The following MIA2 variants were observed in gnomAD, a reference collection of about 807,000 sequenced individuals.
MIA2 encodes the protein melanoma inhibitory activity protein 2.
In MIA2, 127 loss-of-function variants were observed where a neutral mutation model predicts 167.8. That is an observed-to-expected ratio of 0.76 (90% CI 0.66 to 0.88). The LOEUF (loss-of-function observed/expected upper bound fraction) is 0.88. Among genes scored for constraint, MIA2 ranks in the 40% least tolerant of loss-of-function variants. The pLI is 0.00. For synonymous variants in MIA2, 552 were observed against 541.9 expected, an observed-to-expected ratio of 1.02 and a Z score of -0.26; for missense variants, 1,690 against 1,624.7, an observed-to-expected ratio of 1.04 and a Z score of -0.69.
intron 6 of MIA2, among the ~76,000 whole-genome samples, chr14:39,259,681 C>A (rs1195753635): frequency 6.7e-6 from 1 of 148,540 alleles, no homozygotes; most frequent in Non-Finnish European, 1.5e-5. Context: ...CAGGCATGTG[C>A]CACCATGCCT....
At chr14:39,285,236 A>G (rs1262778814) in intron 9 of MIA2, among the ~76,000 whole-genome samples, 1 of 152,030 alleles carries the variant, frequency 6.6e-6, no homozygotes, top group African/African-American at 2.4e-5. Context: ...CGCCATCGTC[A>G]TCCTGGCCCG....
chr14:39,352,778 T>C (rs1426980390), downstream of MIA2, among the ~76,000 whole-genome samples: 1 of 152,218 alleles, frequency 6.6e-6, no homozygotes, highest in Non-Finnish European at 1.5e-5. Flanking sequence ...GTATATGTTG[T>C]ACACAGAATG....
At chr14:39,325,228 A>C (rs72645017) in intron 24 of MIA2, among the ~76,000 whole-genome samples, 26,376 of 81,816 alleles carry the variant, frequency 0.32, 2,489 homozygotes, top group South Asian at 0.43. Context: ...ACCTTGTCTC[A>C]AAAAAAAAAA....
intron 23 of MIA2, among the ~76,000 whole-genome samples, chr14:39,357,662 A>G (rs1299995487): frequency 6.6e-6 from 1 of 152,094 alleles, no homozygotes; most frequent in Non-Finnish European, 1.5e-5. Context: ...GGTCTTCACA[A>G]TTTGGCATGT....
chr14:39,321,111 C>A (rs1206536226), intron 24 of MIA2, 55 bp downstream of exon 24: 6 of 1,514,668 alleles, frequency 4.0e-6, no homozygotes, highest in Non-Finnish European at 5.4e-6. Context: ...TTTATATTTT[C>A]ATCTCAACTT....
intron 26 of MIA2, chr14:39,346,920 T>C: frequency 3.1e-6 from 1 of 322,294 alleles, no homozygotes; most frequent in Non-Finnish European, 6.3e-6. Context: ...AAGTCAGTAT[T>C]TTATTTTATT....
chr14:39,246,841 A>T, intron 3 of MIA2, 70 bp from the exon 4 acceptor site: 2 of 871,156 alleles, frequency 2.3e-6, no homozygotes, highest in Non-Finnish European at 1.7e-6. Context: ...CATCCATTTT[A>T]AATGACTCAG....
intron 6 of MIA2, among the ~76,000 whole-genome samples, chr14:39,268,427 T>C (rs2056446325): frequency 6.6e-6 from 1 of 151,152 alleles, no homozygotes; most frequent in Admixed American, 6.6e-5. Flanking sequence ...GCCACTAGCA[T>C]CATGTTGTCT....
At chr14:39,297,001 T>A (rs1255919641) in intron 13 of MIA2, among the ~76,000 whole-genome samples, 1 of 151,638 alleles carries the variant, frequency 6.6e-6, no homozygotes, top group African/African-American at 2.4e-5. Context: ...GGTCTTGAAC[T>A]CCTGACCTGA....
chr14:39,349,699 T>C (rs1595912336), intron 28 of MIA2, among the ~76,000 whole-genome samples: 1 of 152,206 alleles, frequency 6.6e-6, no homozygotes, highest in East Asian at 1.9e-4. Flanking sequence ...GGAAATGTTT[T>C]AGTATAATAT....
Position 39,381,212 on chromosome 14 carries a change from A to G in MIA2, c.2249-5673A>G, listed in dbSNP as rs565208950. Among the ~76,000 whole-genome samples the G allele has an allele frequency of 1.0e-3, 153 of 152,316 alleles. 2 individuals are homozygous for G. In the South Asian group the frequency reaches 0.017, roughly 17 times the overall value. On this transcript the variant is annotated intron_variant, in intron 23 of 23. Coordinates refer to the MIA2 transcript ENST00000341502. Reference sequence around the variant, plus strand: ...AATTGTTTTAGGTCCTTCATGCAGCAGAAGGTGGTAAGAGGAAGGAAAGAT... The same window carrying G: ...AATTGTTTTAGGTCCTTCATGCAGCGGAAGGTGGTAAGAGGAAGGAAAGAT...
intron 3 of MIA2, among the ~76,000 whole-genome samples, chr14:39,246,341 C>G (rs1267446116): frequency 6.6e-6 from 1 of 150,620 alleles, no homozygotes; most frequent in African/African-American, 2.4e-5. Context: ...AGGCAATCCA[C>G]CCGCCTGAGC....
rs2075097081 is a variant in MIA2 at position 39,378,852 on chromosome 14, A to G, written c.2249-8033A>G. Among the ~76,000 whole-genome samples the G allele has an allele frequency of 2.6e-5, 4 of 152,234 alleles. No homozygotes were observed. The South Asian group carries it at 8.3e-4, about 31-fold the overall frequency. ...TAATGAAGACCGAATTTAGAATTTG[A>G]TTTTGGAAAGTTTGTCAAATATAAA... is the stretch of plus-strand genomic sequence containing the variant. On this transcript the variant is annotated intron_variant, in intron 23 of 23. Transcript: ENST00000341502.
intron 24 of MIA2, among the ~76,000 whole-genome samples, chr14:39,324,614 A>ATT (rs1356024857): frequency 0.019 from 2,818 of 147,846 alleles, 90 homozygotes; most frequent in African/African-American, 0.064. Context: ...TTTTTTTTTT[A>ATT]TTTTTTTTTT....
intron 23 of MIA2, among the ~76,000 whole-genome samples, chr14:39,362,894 A>G (rs1167940271): frequency 1.3e-5 from 2 of 152,168 alleles, no homozygotes; most frequent in Non-Finnish European, 2.9e-5. Context: ...CACTTGTTTC[A>G]AGAAAACTTC....
At chr14:39,314,958 C>A in intron 20 of MIA2, 159 bp downstream of exon 20, 1 of 508,356 alleles carries the variant, frequency 2.0e-6, no homozygotes, top group Non-Finnish European at 3.2e-6. Flanking sequence ...TCCCAGGAGC[C>A]AAAGATTCTG....
intron 13 of MIA2, among the ~76,000 whole-genome samples, chr14:39,298,649 T>C (rs1244773571): frequency 6.7e-6 from 1 of 150,272 alleles, no homozygotes; most frequent in Non-Finnish European, 1.5e-5. Context: ...TAAATAAATT[T>C]AGACTTTTTC....
chr14:39,362,244 G>A (rs1011193695), intron 23 of MIA2, among the ~76,000 whole-genome samples: 3 of 152,072 alleles, frequency 2.0e-5, no homozygotes, highest in African/African-American at 7.2e-5. Context: ...ATTTTTTTGG[G>A]AATAGTTTGA....
chr14:39,315,759 A>G, intron 21 of MIA2, 41 bp downstream of exon 21: 1 of 1,300,854 alleles, frequency 7.7e-7, no homozygotes, highest in South Asian at 1.4e-5. Context: ...GTCAAATTGT[A>G]TGTTTTTTTC....
Sources: gnomAD v4.1 joint callset for allele counts (sites outside exome capture counted in the v4.1 genomes callset) on GRCh38, gnomAD v4.1.1 for gene constraint, MANE v1.5 for transcripts, NCBI Gene and HGNC (gene_info 2026-07-23, HGNC 2026-07-21) for gene names.